The following SFSWAP variants were observed in gnomAD, a reference collection of about 807,000 sequenced individuals.
SFSWAP encodes splicing factor, suppressor of white-apricot homolog.
Under a neutral mutation model 100.7 loss-of-function variants are expected in SFSWAP, and 17 were observed. The observed-to-expected ratio is 0.17, with a 90% CI of 0.12 to 0.25. SFSWAP has a LOEUF of 0.25. Among genes scored for constraint, SFSWAP ranks in the 10% least tolerant of loss-of-function variants. SFSWAP has a pLI of 1.00. For missense variants in SFSWAP, 1,005 were observed against 1,262.6 expected, an observed-to-expected ratio of 0.80 and a Z score of 3.09; for synonymous variants, 504 against 510.1, an observed-to-expected ratio of 0.99 and a Z score of 0.16.
intron 7 of SFSWAP, among the ~76,000 whole-genome samples, chr12:131,737,454 A>G (rs779925629): frequency 7.2e-5 from 11 of 152,212 alleles, no homozygotes; most frequent in Non-Finnish European, 1.6e-4. Context: ...TTGACGTGGT[A>G]CTTATTTTGA....
At chr12:131,793,033 G>A (rs1005149888) in intron 15 of SFSWAP, among the ~76,000 whole-genome samples, 2 of 152,198 alleles carry the variant, frequency 1.3e-5, no homozygotes, top group Non-Finnish European at 2.9e-5. Context: ...CATACCCAAA[G>A]GGCAGGGGGC....
At chr12:131,745,811 GT>G (rs1357969917) in intron 7 of SFSWAP, among the ~76,000 whole-genome samples, 5 of 149,042 alleles carry the variant, frequency 3.4e-5, no homozygotes, top group Non-Finnish European at 7.4e-5. Context: ...ACATTAAATA[GT>G]GGAATTGCCA....
intron 13 of SFSWAP, among the ~76,000 whole-genome samples, chr12:131,767,799 A>G (rs879784252): frequency 3.9e-5 from 6 of 152,200 alleles, no homozygotes; most frequent in Non-Finnish European, 8.8e-5. Context: ...ACATGGACAC[A>G]GAGAAGAGAA....
chr12:131,754,924 C>T (rs746088537), intron 9 of SFSWAP, among the ~76,000 whole-genome samples: 13 of 152,206 alleles, frequency 8.5e-5, no homozygotes, highest in East Asian at 5.8e-4. Flanking sequence ...TGAGCCACCA[C>T]GCCCAACCAA....
At chr12:131,732,763 G>A (rs934922183) in intron 7 of SFSWAP, among the ~76,000 whole-genome samples, 1 of 152,228 alleles carries the variant, frequency 6.6e-6, no homozygotes, top group Non-Finnish European at 1.5e-5. Flanking sequence ...TACAGAGAAG[G>A]CACAACCGTC....
chr12:131,787,940 G>A (rs938502682), intron 15 of SFSWAP, among the ~76,000 whole-genome samples: 18 of 152,156 alleles, frequency 1.2e-4, no homozygotes, highest in African/African-American at 4.1e-4. Flanking sequence ...TGTACACCTG[G>A]CTCTGTTTAT....
At chr12:131,768,800 C>T (rs535783474) in intron 13 of SFSWAP, among the ~76,000 whole-genome samples, 1 of 152,164 alleles carries the variant, frequency 6.6e-6, no homozygotes, top group Non-Finnish European at 1.5e-5. Flanking sequence ...CAGTTATGGC[C>T]GAAGGATCTG....
At chr12:131,785,084 C>T (rs1231744930) in intron 14 of SFSWAP, 13 of 1,535,404 alleles carry the variant, frequency 8.5e-6, no homozygotes, top group Non-Finnish European at 1.0e-5. Flanking sequence ...GTCACAGCCT[C>T]CCCAGGGACG....
chr12:131,716,593 G>A (rs1309207300), intron 3 of SFSWAP, among the ~76,000 whole-genome samples: 5 of 152,196 alleles, frequency 3.3e-5, no homozygotes, highest in Non-Finnish European at 7.3e-5. Context: ...GTCCACATCT[G>A]TGGATTCAAC....
chr12:131,740,904 G>C (rs1169860075), intron 7 of SFSWAP, among the ~76,000 whole-genome samples: 2 of 151,514 alleles, frequency 1.3e-5, no homozygotes, highest in African/African-American at 4.9e-5. Context: ...AGTGTGGCAG[G>C]GCTTCACTAA....
chr12:131,744,199 AT>A (rs2136212322), intron 7 of SFSWAP, among the ~76,000 whole-genome samples: 1 of 152,248 alleles, frequency 6.6e-6, no homozygotes, highest in African/African-American at 2.4e-5. Context: ...ACTTATGCAA[AT>A]TTCTGCAGCC....
chr12:131,753,455 T>C, intron 8 of SFSWAP, 92 bp downstream of exon 8: 1 of 1,465,296 alleles, frequency 6.8e-7, no homozygotes. Flanking sequence ...GCTTGTAATC[T>C]AGATCATATA....
chr12:131,778,057 ATTC>A lies in SFSWAP; in HGVS notation c.2143-5_2143-3del. ...CTGTTAACACCCAGATTTTCCTTTT[ATTC>A]TTAGGAATCCAGCACTACGCCCTGC... On this transcript the variant is annotated splice_region_variant and splice_polypyrimidine_tract_variant and intron_variant, in intron 13 of 17. Transcript: ENST00000261674. This position sits in a 1 kb window ranked among gnomAD's most constrained non-coding sequence, Gnocchi z 4.2. The A allele has an allele frequency of 6.3e-7, 1 of 1,594,846 alleles. No homozygotes were observed. The highest frequency in any genetic ancestry group is 8.5e-7 in the Non-Finnish European group (1 of 1,174,410).
chr12:131,776,986 CAGAT>C (rs1348912849), intron 13 of SFSWAP, among the ~76,000 whole-genome samples: 1 of 152,114 alleles, frequency 6.6e-6, no homozygotes, highest in Non-Finnish European at 1.5e-5. Context: ...ATGTAACACT[CAGAT>C]GGAGAGGTTT....
intron 11 of SFSWAP, among the ~76,000 whole-genome samples, chr12:131,762,329 T>G (rs1882746330): frequency 6.6e-6 from 1 of 152,176 alleles, no homozygotes; most frequent in South Asian, 2.1e-4. Context: ...GAGGATTGCT[T>G]GAGGCCAGGA....
chr12:131,719,365 C>A, intron 3 of SFSWAP, 89 bp from the exon 4 acceptor site: 1 of 878,392 alleles, frequency 1.1e-6, no homozygotes, highest in Non-Finnish European at 1.9e-6. Flanking sequence ...CAGGGACAGC[C>A]AGTCACATGC....
At chr12:131,798,235 T>C (rs989323536) in intron 16 of SFSWAP, among the ~76,000 whole-genome samples, 3 of 151,738 alleles carry the variant, frequency 2.0e-5, no homozygotes, top group African/African-American at 7.3e-5. Context: ...GCCCAGGAGG[T>C]GGAGGCTGCT....
chr12:131,795,207 G>A (rs1186346773), intron 15 of SFSWAP, among the ~76,000 whole-genome samples: 4 of 152,196 alleles, frequency 2.6e-5, no homozygotes, highest in Non-Finnish European at 5.9e-5. Flanking sequence ...CAGCTCACCA[G>A]GGACAGCCCC....
At chr12:131,793,135 G>A (rs1231381761) in intron 15 of SFSWAP, among the ~76,000 whole-genome samples, 1 of 152,028 alleles carries the variant, frequency 6.6e-6, no homozygotes, top group Non-Finnish European at 1.5e-5. Context: ...TGCCCAAGCT[G>A]GAGTGCAGCA....
Sources: gnomAD v4.1 joint callset for allele counts (sites outside exome capture counted in the v4.1 genomes callset) on GRCh38, gnomAD v4.1.1 for gene constraint, Gnocchi (gnomAD v3.1) non-coding constraint, MANE v1.5 for transcripts, NCBI Gene and HGNC (gene_info 2026-07-23, HGNC 2026-07-21) for gene names.